Variants in RASGEF1C observed in about 807,000 individuals in gnomAD.
RASGEF1C encodes RasGEF domain family member 1C, also known as ras-GEF domain-containing family member 1C.
A neutral mutation model predicts 58.1 loss-of-function variants in RASGEF1C; 27 were observed. The observed-to-expected ratio is 0.46, with a 90% confidence interval of 0.34 to 0.64. The LOEUF (loss-of-function observed/expected upper bound fraction) is 0.64. RASGEF1C is among the 30% of genes least tolerant of loss of function. The pLI is 0.01. For synonymous variants in RASGEF1C, 243 were observed against 246.3 expected, an observed-to-expected ratio of 0.99 and a Z score of 0.13; for missense variants, 502 against 605.1, an observed-to-expected ratio of 0.83 and a Z score of 1.79.
At chr5:180,186,101 G>GAAAAA (rs35778456) in intron 1 of RASGEF1C, among the ~76,000 whole-genome samples, 3 of 81,138 alleles carry the variant, frequency 3.7e-5, no homozygotes, top group African/African-American at 4.8e-5. Context: ...TATCTCCACA[G>GAAAAA]AAAAAAAAAA....
intron 1 of RASGEF1C, among the ~76,000 whole-genome samples, chr5:180,173,891 C>G (rs1213227490): frequency 1.4e-5 from 2 of 139,878 alleles, no homozygotes; most frequent in South Asian, 4.5e-4. Flanking sequence ...CCAGCCTGGG[C>G]AACAGAGCGA....
At chr5:180,182,204 C>CAAAAAAAAAA (rs1156831010) in intron 1 of RASGEF1C, among the ~76,000 whole-genome samples, 19 of 22,764 alleles carry the variant, frequency 8.3e-4, no homozygotes, top group African/African-American at 1.5e-3. Context: ...GACTCCGTCT[C>CAAAAAAAAAA]AAAAAAAAAA....
rs755521241 is a variant in RASGEF1C, at chr5:180,152,911, CAAA to C, written c.-6-14856_-6-14854del. ...GGGCAACAAGAGCAAAACCCCATCT[CAAA>C]AAAAAAAAAAAAAAAAAAAAGTTAT... On this transcript the variant is annotated intron_variant, in intron 1 of 13. Transcript: ENST00000361132. Among the ~76,000 whole-genome samples the C allele has an allele frequency of 6.6e-3, 473 of 71,686 alleles. 1 individual carries two copies. Among genetic ancestry groups the C allele is most frequent in the Non-Finnish European group, 8.1e-3 (284 of 34,928 alleles). The allele number at this position is 71,686 out of a possible 152,430, so 47.0% of individuals were successfully genotyped here.
At chr5:180,142,071 C>T (rs1004557388) in intron 1 of RASGEF1C, among the ~76,000 whole-genome samples, 7 of 152,126 alleles carry the variant, frequency 4.6e-5, no homozygotes, top group Non-Finnish European at 1.0e-4. Context: ...GAATGATGCA[C>T]GTGACAAAGG....
At chr5:180,160,477 C>T (rs10044602) in intron 1 of RASGEF1C, among the ~76,000 whole-genome samples, 23,354 of 152,168 alleles carry the variant, frequency 0.15, 1,924 homozygotes, top group African/African-American at 0.18. Flanking sequence ...ATCACTCCCC[C>T]ACTTGGGGTC....
chr5:180,187,042 GA>G (rs755499915), intron 1 of RASGEF1C, among the ~76,000 whole-genome samples: 46 of 152,146 alleles, frequency 3.0e-4, no homozygotes, highest in Non-Finnish European at 6.0e-4. Flanking sequence ...AAACAATCCT[GA>G]AAAAGAACAA....
At chr5:180,119,970 T>C (rs1766140242) in intron 7 of RASGEF1C, among the ~76,000 whole-genome samples, 1 of 152,152 alleles carries the variant, frequency 6.6e-6, no homozygotes, top group Non-Finnish European at 1.5e-5. Context: ...CACCATGTCC[T>C]TCCCCAGCCA....
intron 4 of RASGEF1C, among the ~76,000 whole-genome samples, chr5:180,131,416 T>C (rs1766367273): frequency 6.6e-6 from 1 of 152,114 alleles, no homozygotes; most frequent in Admixed American, 6.5e-5. Flanking sequence ...CTTTCTCCCT[T>C]CTGGCACGTT....
chr5:180,113,419 C>T (rs373528932), intron 11 of RASGEF1C, among the ~76,000 whole-genome samples: 4 of 47,614 alleles, frequency 8.4e-5, no homozygotes, highest in African/African-American at 2.5e-4. Context: ...ACGGAGGGAT[C>T]GGGGATGGAT....
At chr5:180,172,135 C>T (rs1767117476) in intron 1 of RASGEF1C, among the ~76,000 whole-genome samples, 3 of 152,356 alleles carry the variant, frequency 2.0e-5, no homozygotes, top group South Asian at 2.1e-4. Context: ...CTACCCTGTC[C>T]GATTCACCTA....
chr5:180,199,967 G>C (rs1024051635), intron 1 of RASGEF1C, among the ~76,000 whole-genome samples: 2 of 152,144 alleles, frequency 1.3e-5, no homozygotes, highest in African/African-American at 4.8e-5. Context: ...ATGTTCCAAA[G>C]TGTTAAAAAT....
chr5:180,189,597 G>A (rs1756107537), intron 1 of RASGEF1C, among the ~76,000 whole-genome samples: 2 of 152,180 alleles, frequency 1.3e-5, no homozygotes, highest in African/African-American at 4.8e-5. Flanking sequence ...AGATGCAAAT[G>A]CAATTCAGTG....
chr5:180,127,524 C>T (rs1455403715), intron 6 of RASGEF1C, 85 bp downstream of exon 6: 4 of 1,383,862 alleles, frequency 2.9e-6, no homozygotes, highest in South Asian at 1.5e-5. Context: ...CCAGCGCTCG[C>T]CCAGAGAAGG....
In RASGEF1C at chr5:180,200,262, A is replaced by AAAT. The variant is rs537493629; in HGVS notation, c.-7+8763_-7+8765dup. ...GCCTGGGCTACAGAGCTGGAAAAAA[A>AAAT]AATTGATGGATTTATTTAATAGATG... On this transcript the variant is annotated intron_variant, in intron 1 of 13. Transcript: ENST00000361132. 1.3e-3 allele frequency among the ~76,000 whole-genome samples: 199 copies of AAAT among 151,182 alleles called. 1 individual carries two copies. The highest frequency in any genetic ancestry group is 3.8e-3 in the Admixed American group (57 of 15,172).
At chr5:180,103,164 G>T (rs1561727541) in intron 12 of RASGEF1C, among the ~76,000 whole-genome samples, 2 of 152,128 alleles carry the variant, frequency 1.3e-5, no homozygotes, top group African/African-American at 2.4e-5. Context: ...TGCAAGCTCT[G>T]CCTCCCGGGT....
At chr5:180,147,344 T>C (rs57216971) in intron 1 of RASGEF1C, among the ~76,000 whole-genome samples, 30,638 of 151,884 alleles carry the variant, frequency 0.2, 3,294 homozygotes, top group South Asian at 0.29. Context: ...TTCTGCTAGC[T>C]TTGGGTTTAG....
chr5:180,168,811 T>C lies in RASGEF1C; in HGVS notation c.-6-30753A>G, dbSNP rs1275972275. ...TTTTTAAAATGGATTTTCTCCATGC[T>C]CTGTGAATAATAAGAGACCCTCCTC... is the stretch of plus-strand genomic sequence containing the variant. On this transcript the variant is annotated intron_variant, in intron 1 of 13. Transcript: ENST00000361132. This position sits in a 1 kb window ranked among gnomAD's most constrained non-coding sequence, Gnocchi z 6.0. Among the ~76,000 whole-genome samples, 2 of 152,204 alleles carry C rather than the reference T, an allele frequency of 1.3e-5. No homozygotes were observed. Among genetic ancestry groups the C allele is most frequent in the Non-Finnish European group, 2.9e-5 (2 of 68,042 alleles).
chr5:180,161,777 G>A (rs1561747353), intron 1 of RASGEF1C, among the ~76,000 whole-genome samples: 1 of 152,248 alleles, frequency 6.6e-6, no homozygotes, highest in Non-Finnish European at 1.5e-5. Context: ...CAGCTCGCCA[G>A]ACAGTCTCAG....
intron 1 of RASGEF1C, among the ~76,000 whole-genome samples, chr5:180,161,710 C>T (rs558648604): frequency 6.6e-6 from 1 of 152,386 alleles, no homozygotes; most frequent in African/African-American, 2.4e-5. Context: ...GCATTCGCGC[C>T]CATCTCTGCC....
Sources: allele counts gnomAD v4.1 joint callset (sites outside exome capture counted in the v4.1 genomes callset), GRCh38; gene constraint gnomAD v4.1.1; non-coding constraint Gnocchi (gnomAD v3.1); transcripts MANE v1.5; gene names NCBI Gene and HGNC (gene_info 2026-07-23, HGNC 2026-07-21).